The following TECRL variants were observed in gnomAD, a reference collection of about 807,000 sequenced individuals.
TECRL encodes the protein trans-2,3-enoyl-CoA reductase like, also known as trans-2,3-enoyl-CoA reductase-like.
In TECRL, 63 loss-of-function variants were observed where a neutral mutation model predicts 52.8. That is an observed-to-expected ratio of 1.19 (90% confidence interval 0.97 to 1.47). The LOEUF is 1.47. TECRL is among the 40% of genes most tolerant of loss of function. TECRL has a pLI of 0.00. For synonymous variants in TECRL, 164 were observed against 141.9 expected (o/e 1.16, Z -1.10); for missense variants, 482 against 429.6 (o/e 1.12, Z -1.08).
At chr4:64,335,673 C>A (rs967098368) in intron 2 of TECRL, among the ~76,000 whole-genome samples, 3 of 152,110 alleles carry the variant, frequency 2.0e-5, no homozygotes, top group African/African-American at 7.2e-5. Context: ...TCCAAAGAGT[C>A]CTTCATTGTC....
chr4:64,338,983 T>C (rs370175817), intron 2 of TECRL, among the ~76,000 whole-genome samples: 1 of 152,114 alleles, frequency 6.6e-6, no homozygotes, highest in South Asian at 2.1e-4. Flanking sequence ...CACATGCACA[T>C]GTATGTTTAT....
intron 1 of TECRL, among the ~76,000 whole-genome samples, chr4:64,399,158 A>C (rs898410017): frequency 5.9e-5 from 9 of 152,108 alleles, no homozygotes; most frequent in Admixed American, 1.3e-4. Flanking sequence ...TACTGGCCCA[A>C]CCAGACAAAC....
chr4:64,329,320 G>A (rs886480972), intron 2 of TECRL, among the ~76,000 whole-genome samples: 1 of 151,778 alleles, frequency 6.6e-6, no homozygotes, highest in East Asian at 1.9e-4. Flanking sequence ...ATTTTTAAAA[G>A]AGTATTTTTA....
Position 64,300,025 on chromosome 4 carries a change from G to A in TECRL, c.731-8C>T. ...TTTGCCTGTTTCCAAATGCTGGAGA[G>A]TAGAAAAAGAATATGTCATGCAGAT... On this transcript the variant is annotated splice_polypyrimidine_tract_variant and splice_region_variant and intron_variant, in intron 7 of 11. Transcript: ENST00000381210. 1 of 1,567,558 alleles carries A rather than the reference G, an allele frequency of 6.4e-7. No individual in the cohort carries two copies. Among genetic ancestry groups the A allele is most frequent in the Non-Finnish European group, 8.7e-7 (1 of 1,153,162 alleles).
chr4:64,377,554 C>T (rs933972402), intron 1 of TECRL, among the ~76,000 whole-genome samples: 9 of 151,874 alleles, frequency 5.9e-5, no homozygotes, highest in African/African-American at 2.2e-4. Flanking sequence ...ACATTTGAAA[C>T]CTTAATATTC....
intron 2 of TECRL, among the ~76,000 whole-genome samples, chr4:64,353,472 G>C (rs1056081238): frequency 1.3e-5 from 2 of 152,150 alleles, no homozygotes; most frequent in African/African-American, 4.8e-5. Flanking sequence ...TGCAGATATA[G>C]TATGGTATAA....
At chr4:64,304,895 T>A (rs953998959) in intron 7 of TECRL, 1 of 238,000 alleles carries the variant, frequency 4.2e-6, no homozygotes, top group Non-Finnish European at 8.0e-6. Flanking sequence ...AATTTTATCT[T>A]TAATTGTTGT....
intron 9 of TECRL, among the ~76,000 whole-genome samples, chr4:64,286,926 G>C (rs1423699768): frequency 6.6e-6 from 1 of 151,944 alleles, no homozygotes; most frequent in Non-Finnish European, 1.5e-5. Context: ...TTCTAACTTT[G>C]GCAATGCTAG....
At position 64,323,009 on chromosome 4, in the gene TECRL, C is replaced by G. The variant is rs73228583; in HGVS notation, c.332-217G>C. ...ATGCACAGTGGTTTCCCAATACCATCTACCCAAAATTTAGACTACCATTAG... is the reference window on the plus strand; with the variant it reads ...ATGCACAGTGGTTTCCCAATACCATGTACCCAAAATTTAGACTACCATTAG... On this transcript the variant is annotated intron_variant, in intron 3 of 11. Transcript: ENST00000381210. 0.011 allele frequency among the ~76,000 whole-genome samples: 1,750 copies of G among 152,204 alleles called. 45 individuals are homozygous for G. The highest frequency in any genetic ancestry group is 0.04 in the African/African-American group (1,665 of 41,532).
At chr4:64,361,250 T>G (rs900921358) in intron 2 of TECRL, among the ~76,000 whole-genome samples, 14 of 152,114 alleles carry the variant, frequency 9.2e-5, no homozygotes, top group African/African-American at 3.4e-4. Context: ...CCTCCACCAG[T>G]GCACACTTGC....
At chr4:64,335,200 G>A (rs1007109963) in intron 2 of TECRL, among the ~76,000 whole-genome samples, 10 of 152,092 alleles carry the variant, frequency 6.6e-5, no homozygotes, top group Non-Finnish European at 1.3e-4. Context: ...AAGCCTCATC[G>A]GTGTTTACAG....
intron 1 of TECRL, among the ~76,000 whole-genome samples, chr4:64,402,691 A>T (rs1578001582): frequency 6.6e-6 from 1 of 152,158 alleles, no homozygotes; most frequent in African/African-American, 2.4e-5. Flanking sequence ...TAAGTAGTAT[A>T]GAATGTTGAC....
At chr4:64,348,383 C>T (rs937336658) in intron 2 of TECRL, among the ~76,000 whole-genome samples, 6 of 152,156 alleles carry the variant, frequency 3.9e-5, no homozygotes, top group African/African-American at 1.2e-4. Context: ...TATCACCTCC[C>T]GCCCTCAACA....
chr4:64,281,366 C>G, intron 10 of TECRL, 108 bp downstream of exon 10: 1 of 695,000 alleles, frequency 1.4e-6, no homozygotes, highest in Non-Finnish European at 2.4e-6. Flanking sequence ...GATAAGACCT[C>G]TATATTTTTC....
chr4:64,319,310 T>G (rs1229180119), intron 4 of TECRL, among the ~76,000 whole-genome samples: 1 of 143,656 alleles, frequency 7.0e-6, no homozygotes, highest in African/African-American at 2.7e-5. Context: ...ACAATAAAAA[T>G]AGGGTATCAT....
At chr4:64,394,907 A>ATTTTTTTTTTTT (rs751448355) in intron 1 of TECRL, among the ~76,000 whole-genome samples, 1 of 105,116 alleles carries the variant, frequency 9.5e-6, no homozygotes, top group African/African-American at 4.0e-5. Context: ...ATTAACAAGC[A>ATTTTTTTTTTTT]TTTTTTTTTT....
intron 2 of TECRL, among the ~76,000 whole-genome samples, chr4:64,370,481 G>A (rs1044365089): frequency 6.7e-6 from 1 of 150,116 alleles, no homozygotes; most frequent in Non-Finnish European, 1.5e-5. Context: ...TTCACAAGCA[G>A]AAAGTTTTTT....
At chr4:64,368,266 CTGTTTGTTTGTTTGTTTTCTTTTTTTGTT>C (rs1721742019) in intron 2 of TECRL, among the ~76,000 whole-genome samples, 1 of 129,904 alleles carries the variant, frequency 7.7e-6, no homozygotes. Flanking sequence ...AGGCTCATAA[CTGTTTGTTTGTTTGTTTTCTTTTTTTGTT>C]TGTTTGTTTG....
rs1180444634 is a variant in TECRL, at chr4:64,350,581, T to G, written c.287-22025A>C. ...GATTATATAATTTAAGAGATTAATATTTAAATAGGTGGACTTTGAATAAAG... is the reference window on the plus strand; with the variant it reads ...GATTATATAATTTAAGAGATTAATAGTTAAATAGGTGGACTTTGAATAAAG... On this transcript the variant is annotated intron_variant, in intron 2 of 11. Coordinates refer to ENST00000381210, the MANE Select transcript of TECRL (RefSeq NM_001010874.5). 3.3e-5 allele frequency among the ~76,000 whole-genome samples: 5 copies of G among 152,152 alleles called. No homozygotes were observed. In the East Asian group the frequency reaches 9.7e-4, roughly 29 times the overall value.
Sources: allele counts gnomAD v4.1 joint callset (sites outside exome capture counted in the v4.1 genomes callset), GRCh38; gene constraint gnomAD v4.1.1; transcripts MANE v1.5; gene names NCBI Gene and HGNC (gene_info 2026-07-23, HGNC 2026-07-21).